OARD1: variants seen among roughly 807,000 people sequenced by gnomAD.
The protein encoded by OARD1 is O-acyl-ADP-ribose deacylase 1, also known as ADP-ribose glycohydrolase OARD1.
OARD1 carries 19 observed loss-of-function variants against 19.7 expected under a neutral mutation model. The observed-to-expected ratio is 0.96, with a 90% CI of 0.67 to 1.41. OARD1 has a LOEUF of 1.41. OARD1 is among the 40% of genes most tolerant of loss of function. The pLI is 0.00. For synonymous variants in OARD1, 70 were observed against 61.8 expected (o/e 1.13, Z -0.62); for missense variants, 190 against 183.8 (o/e 1.03, Z -0.20).
At chr6:41,086,480 C>T (rs1205151544) in intron 1 of OARD1, among the ~76,000 whole-genome samples, 1 of 152,126 alleles carries the variant, frequency 6.6e-6, no homozygotes, top group Non-Finnish European at 1.5e-5. Flanking sequence ...ATTCCATAGC[C>T]TCCCTTACAA....
intron 1 of OARD1, among the ~76,000 whole-genome samples, chr6:41,094,079 T>C (rs897307515): frequency 6.6e-6 from 1 of 152,206 alleles, no homozygotes. Flanking sequence ...TGAACACTCA[T>C]TTGCTCAAAC....
At chr6:41,094,042 A>G (rs1764276800) in intron 1 of OARD1, among the ~76,000 whole-genome samples, 2 of 152,096 alleles carry the variant, frequency 1.3e-5, no homozygotes, top group African/African-American at 2.4e-5. Context: ...ATAATAATAA[A>G]CTTTAATGCT....
chr6:41,089,726 CT>C, intron 1 of OARD1: 1 of 1,609,228 alleles, frequency 6.2e-7, no homozygotes. Context: ...TCCACTAGCT[CT>C]GTCACACAGG....
chr6:41,084,828 G>A (rs370125613), intron 1 of OARD1, among the ~76,000 whole-genome samples: 55 of 152,310 alleles, frequency 3.6e-4, no homozygotes, highest in Middle Eastern at 6.8e-3. Context: ...CGGGCGTGGT[G>A]GCACGCACCT....
chr6:41,080,793 T>G, intron 1 of OARD1: 5 of 1,604,916 alleles, frequency 3.1e-6, no homozygotes, highest in Non-Finnish European at 4.3e-6. Context: ...TTCAAGCTCT[T>G]CCTGTTCCTG....
chr6:41,095,618 A>G (rs529496609), intron 1 of OARD1, among the ~76,000 whole-genome samples: 1 of 152,272 alleles, frequency 6.6e-6, no homozygotes, highest in African/African-American at 2.4e-5. Context: ...TTTTGTAGAA[A>G]TGGAGTCTCA....
intron 1 of OARD1, chr6:41,078,973 T>TG (rs1763830768): frequency 1.3e-6 from 1 of 752,050 alleles, no homozygotes; most frequent in African/African-American, 1.7e-5. Context: ...GTTAATTGTC[T>TG]GGTAAGGCCT....
At chr6:41,091,828 C>A in intron 1 of OARD1, 1 of 951,016 alleles carries the variant, frequency 1.1e-6, no homozygotes, top group Non-Finnish European at 1.5e-6. Context: ...TCTACTTTGA[C>A]AATAACATTA....
At position 41,071,248 on chromosome 6, in the gene OARD1, G is replaced by A; in HGVS notation, c.68C>T (p.Ala23Val). ...GGCTAAAGAGTCTGTTTTCGGGCAT[G>A]CAAAAAGGTCTCCTTTCACATAAGT... ...RITYVKGDLF[A>V]CPKTDSLAHC... The change falls in exon 3 of 6, where the codon GCA becomes GTA. Residue 23 changes from alanine (A) to valine (V), a missense_variant. By Grantham distance (64) the Ala-to-Val change is moderately conservative (BLOSUM62 0). Transcript: ENST00000424266. 6.2e-7 allele frequency: 1 copy of A among 1,613,730 alleles called. No individual in the cohort carries two copies. The highest frequency in any genetic ancestry group is 1.1e-5 in the South Asian group (1 of 91,014).
chr6:41,079,253 T>C lies in OARD1; in HGVS notation c.-41-7578A>G. The C allele has an allele frequency of 4.1e-6, 5 of 1,220,772 alleles. No homozygotes were observed. In the South Asian group the frequency reaches 6.3e-5, roughly 15 times the overall value. 75.6% of individuals were successfully genotyped at this position (1,220,772 alleles called of 1,614,324 possible). Reference sequence around the variant, plus strand: ...GTTGGTCTATTGCCCTGGGGAATTATTTGAAAGATACCAGATCTTGTGAGA... The same window carrying C: ...GTTGGTCTATTGCCCTGGGGAATTACTTGAAAGATACCAGATCTTGTGAGA... On this transcript the variant is annotated intron_variant, in intron 1 of 4. Coordinates refer to the OARD1 transcript ENST00000480585.
At chr6:41,067,791 TA>T (rs1561841299) in intron 5 of OARD1, among the ~76,000 whole-genome samples, 2 of 152,194 alleles carry the variant, frequency 1.3e-5, no homozygotes, top group African/African-American at 4.8e-5. Flanking sequence ...GTTGGTATTT[TA>T]AAAATGCACT....
At chr6:41,094,310 AC>A (rs1764287874) in intron 1 of OARD1, 3 of 1,162,658 alleles carry the variant, frequency 2.6e-6, no homozygotes, top group Non-Finnish European at 3.8e-6. Flanking sequence ...GCTGTCTTAA[AC>A]TTTGGAGAAT....
chr6:41,096,920 G>T (rs749853358), intron 1 of OARD1, among the ~76,000 whole-genome samples: 1 of 152,194 alleles, frequency 6.6e-6, no homozygotes, highest in Non-Finnish European at 1.5e-5. Context: ...GTACATTAAA[G>T]TGTATAGATT....
chr6:41,080,336 A>G (rs1048842367), intron 1 of OARD1, among the ~76,000 whole-genome samples: 3 of 152,194 alleles, frequency 2.0e-5, no homozygotes, highest in Admixed American at 2.0e-4. Flanking sequence ...GTTTTGGGAC[A>G]TGAGAGCATT....
intron 1 of OARD1, among the ~76,000 whole-genome samples, chr6:41,082,926 G>A (rs1763946725): frequency 6.6e-6 from 1 of 152,196 alleles, no homozygotes. Context: ...TAGTGGTGGT[G>A]GCAGTGGCGG....
chr6:41,096,790 T>C (rs1254750415), intron 1 of OARD1, among the ~76,000 whole-genome samples: 2 of 152,198 alleles, frequency 1.3e-5, no homozygotes. Flanking sequence ...GGAAAGAAGA[T>C]GAAATGGGAG....
At chr6:41,084,310 C>A in intron 1 of OARD1, 1 of 1,213,680 alleles carries the variant, frequency 8.2e-7, no homozygotes, top group Non-Finnish European at 1.1e-6. Flanking sequence ...CCACATTTTG[C>A]ATTCAGTTGA....
chr6:41,080,671 A>T (rs1286808519), intron 1 of OARD1: 4 of 591,758 alleles, frequency 6.8e-6, no homozygotes, highest in African/African-American at 5.5e-5. Flanking sequence ...TCAACAAAAC[A>T]GCTTCAATAT....
intron 1 of OARD1, chr6:41,079,196 G>A: frequency 1.9e-6 from 3 of 1,596,202 alleles, no homozygotes; most frequent in Non-Finnish European, 2.6e-6. Flanking sequence ...AAACATTACA[G>A]CAATGAAACT....
Sources: allele counts gnomAD v4.1 joint callset (sites outside exome capture counted in the v4.1 genomes callset), GRCh38; gene constraint gnomAD v4.1.1; transcripts MANE v1.5; gene names NCBI Gene and HGNC (gene_info 2026-07-23, HGNC 2026-07-21).